CFAP210: variants seen among roughly 807,000 people sequenced by gnomAD.
The protein encoded by CFAP210 is cilia and flagella associated protein 210.
chr2:169,660,235 C>A, the CFAP210 span, among the ~76,000 whole-genome samples: 2 of 151,796 alleles, frequency 1.3e-5, no homozygotes, highest in African/African-American at 4.8e-5. Context: ...AAAAAAAATA[C>A]AAAAATTAGC....
At chr2:169,677,041 A>G in the CFAP210 span, among the ~76,000 whole-genome samples, 1 of 152,200 alleles carries the variant, frequency 6.6e-6, no homozygotes, top group East Asian at 1.9e-4. Flanking sequence ...CTGGGCTACT[A>G]TAACCTTCAG....
At chr2:169,669,348 G>A in the CFAP210 span, among the ~76,000 whole-genome samples, 21 of 152,108 alleles carry the variant, frequency 1.4e-4, no homozygotes, top group Admixed American at 1.2e-3. Context: ...GCCTTGGAGG[G>A]GATGTCAAAT....
At chr2:169,654,230 G>A in the CFAP210 span, 3 of 1,549,724 alleles carry the variant, frequency 1.9e-6, no homozygotes, top group Non-Finnish European at 2.6e-6. Context: ...GGGAAAAATT[G>A]TATATATTAA....
At chr2:169,691,788 GT>G in the CFAP210 span, among the ~76,000 whole-genome samples, 1 of 152,212 alleles carries the variant, frequency 6.6e-6, no homozygotes, top group South Asian at 2.1e-4. Flanking sequence ...CATTCCTGCT[GT>G]TGTTGTTTGT....
chr2:169,654,540 G>A, the CFAP210 span, among the ~76,000 whole-genome samples: 3 of 152,152 alleles, frequency 2.0e-5, no homozygotes, highest in Non-Finnish European at 2.9e-5. Flanking sequence ...TAAGTAGGTG[G>A]GGGAAAGCAG....
At chr2:169,688,517 C>A in the CFAP210 span, among the ~76,000 whole-genome samples, 1 of 152,212 alleles carries the variant, frequency 6.6e-6, no homozygotes, top group African/African-American at 2.4e-5. Flanking sequence ...CAACTCACCT[C>A]TTGAATGCTT....
At chr2:169,647,616 C>A in the CFAP210 span, among the ~76,000 whole-genome samples, 4 of 152,060 alleles carry the variant, frequency 2.6e-5, no homozygotes, top group African/African-American at 7.2e-5. Context: ...AAGAAAACTT[C>A]TTAAAGACTT....
At chr2:169,658,698 A>G in the CFAP210 span, 2 of 289,684 alleles carry the variant, frequency 6.9e-6, no homozygotes, top group Admixed American at 4.2e-5. Flanking sequence ...TGTCTACAAC[A>G]GGTGCTTATT....
At chr2:169,671,771 G>A in the CFAP210 span, among the ~76,000 whole-genome samples, 62,055 of 152,090 alleles carry the variant, frequency 0.41, 12,946 homozygotes, top group Non-Finnish European at 0.44. Context: ...GCGCCCAGCC[G>A]TGAACTTCTT....
chr2:169,650,375 T>C, the CFAP210 span: 1 of 1,603,624 alleles, frequency 6.2e-7, no homozygotes, highest in Non-Finnish European at 8.5e-7. Flanking sequence ...TGCTTTGTTT[T>C]TTTCATCTTT....
the CFAP210 span, among the ~76,000 whole-genome samples, chr2:169,665,476 A>AT: frequency 3.8e-4 from 57 of 148,928 alleles, no homozygotes; most frequent in South Asian, 4.1e-3. Context: ...AATTCCAGCT[A>AT]TTTTTTTTTT....
the CFAP210 span, among the ~76,000 whole-genome samples, chr2:169,682,174 C>T: frequency 3.0e-4 from 45 of 152,124 alleles, no homozygotes; most frequent in African/African-American, 1.0e-3. Context: ...CCCTTTTAAT[C>T]GATCAAGGTT....
chr2:169,683,376 T>C, the CFAP210 span, among the ~76,000 whole-genome samples: 2 of 152,256 alleles, frequency 1.3e-5, no homozygotes, highest in South Asian at 2.1e-4. Flanking sequence ...ACTGTTCTAC[T>C]TAAGAGTCAT....
chr2:169,646,291 C>A, the CFAP210 span: 1 of 777,870 alleles, frequency 1.3e-6, no homozygotes, highest in South Asian at 1.8e-5. Flanking sequence ...CTCATTGATA[C>A]TTTACAAGTT....
the CFAP210 span, chr2:169,674,583 G>A: frequency 1.3e-6 from 2 of 1,598,154 alleles, no homozygotes; most frequent in Non-Finnish European, 1.7e-6. Flanking sequence ...TACTGTTTTA[G>A]ATGATCTTTG....
chr2:169,694,344 G>C, the CFAP210 span: 6 of 1,613,148 alleles, frequency 3.7e-6, no homozygotes. Context: ...CCTAGATCTG[G>C]AAAAGTGACT....
At chr2:169,680,546 TAAAC>T in the CFAP210 span, among the ~76,000 whole-genome samples, 4 of 152,244 alleles carry the variant, frequency 2.6e-5, no homozygotes, top group East Asian at 7.7e-4. Flanking sequence ...AGTGACCAAA[TAAAC>T]AAACTGTGGT....
At chr2:169,663,395 C>T in the CFAP210 span, among the ~76,000 whole-genome samples, 1 of 151,800 alleles carries the variant, frequency 6.6e-6, no homozygotes, top group Non-Finnish European at 1.5e-5. Flanking sequence ...GAAATGGGGT[C>T]TTGCTATGTT....
At chr2:169,686,908 G>A in the CFAP210 span, among the ~76,000 whole-genome samples, 1 of 152,078 alleles carries the variant, frequency 6.6e-6, no homozygotes, top group African/African-American at 2.4e-5. Flanking sequence ...ACCTGAGACT[G>A]GAGAGAAAAA....
Sources: gnomAD v4.1 joint callset for allele counts (sites outside exome capture counted in the v4.1 genomes callset) on GRCh38, gnomAD v4.1.1 for gene constraint, MANE v1.5 for transcripts, NCBI Gene and HGNC (gene_info 2026-07-23, HGNC 2026-07-21) for gene names.